SORCS1: variants seen among roughly 807,000 people sequenced by gnomAD.
SORCS1 encodes VPS10 domain-containing receptor SorCS1.
In SORCS1, 60 loss-of-function variants were observed where a neutral mutation model predicts 146.1. The ratio of observed to expected loss-of-function variants is 0.41; its 90% CI spans 0.33 to 0.51. SORCS1 has a LOEUF of 0.51. Ranked by LOEUF, SORCS1 falls within the 20% of genes least tolerant of loss-of-function variation. The pLI is 0.21. For synonymous variants in SORCS1, 637 were observed against 584.0 expected (o/e 1.09, Z -1.31); for missense variants, 1,352 against 1,487.6 (o/e 0.91, Z 1.50).
At chr10:106,986,816 G>A (rs1956497832) in intron 1 of SORCS1, among the ~76,000 whole-genome samples, 1 of 151,820 alleles carries the variant, frequency 6.6e-6, no homozygotes, top group African/African-American at 2.4e-5. Context: ...TTTTTATTTT[G>A]CTTTTTTCAT....
chr10:106,802,633 G>A (rs1483768263), intron 3 of SORCS1, among the ~76,000 whole-genome samples: 1 of 152,116 alleles, frequency 6.6e-6, no homozygotes, highest in Non-Finnish European at 1.5e-5. Flanking sequence ...CACGTAGCTG[G>A]GATTACAGGC....
intron 21 of SORCS1, among the ~76,000 whole-genome samples, chr10:106,613,692 TC>T (rs1467885394): frequency 6.6e-6 from 1 of 152,120 alleles, no homozygotes; most frequent in African/African-American, 2.4e-5. Context: ...ATCATATGGC[TC>T]CCCTAAAACC....
At chr10:106,797,214 T>A (rs1168998270) in intron 3 of SORCS1, among the ~76,000 whole-genome samples, 2 of 152,218 alleles carry the variant, frequency 1.3e-5, no homozygotes, top group Admixed American at 6.5e-5. Flanking sequence ...AGTAAGATTC[T>A]TTACTGGGAA....
chr10:107,083,638 G>A (rs539408228), intron 1 of SORCS1, among the ~76,000 whole-genome samples: 7 of 152,092 alleles, frequency 4.6e-5, no homozygotes, highest in Admixed American at 1.3e-4. Flanking sequence ...CTAAGAAATG[G>A]GGCACATTTT....
At chr10:106,750,126 C>T (rs13376813) in intron 5 of SORCS1, among the ~76,000 whole-genome samples, 31,112 of 152,082 alleles carry the variant, frequency 0.2, 3,792 homozygotes, top group East Asian at 0.48. Context: ...GTAAACTCCT[C>T]CTAATAAAAT....
intron 2 of SORCS1, among the ~76,000 whole-genome samples, chr10:106,856,073 C>G (rs1949776228): frequency 6.7e-6 from 1 of 149,414 alleles, no homozygotes; most frequent in South Asian, 2.1e-4. Flanking sequence ...GTCACCCATT[C>G]TGGAGTGCCG....
At chr10:106,746,488 T>G (rs990671407) in intron 5 of SORCS1, among the ~76,000 whole-genome samples, 2 of 152,258 alleles carry the variant, frequency 1.3e-5, no homozygotes, top group African/African-American at 2.4e-5. Flanking sequence ...TGGAATGGAC[T>G]GGTTATACTG....
At chr10:106,697,362 A>G (rs1406805807) in intron 9 of SORCS1, among the ~76,000 whole-genome samples, 2 of 152,002 alleles carry the variant, frequency 1.3e-5, no homozygotes, top group Non-Finnish European at 2.9e-5. Context: ...AGGCTGAGGA[A>G]GGAGAATAGC....
At chr10:106,794,076 C>T (rs1362463011) in intron 3 of SORCS1, among the ~76,000 whole-genome samples, 1 of 152,152 alleles carries the variant, frequency 6.6e-6, no homozygotes, top group African/African-American at 2.4e-5. Context: ...CCCCATAGTC[C>T]ACAGACTGAC....
intron 1 of SORCS1, among the ~76,000 whole-genome samples, chr10:107,121,686 A>G (rs1021976132): frequency 3.9e-5 from 6 of 152,200 alleles, no homozygotes; most frequent in African/African-American, 1.2e-4. Flanking sequence ...TTTAGAGACA[A>G]GATAAAACTG....
chr10:106,951,489 G>A (rs1954678530), intron 2 of SORCS1, among the ~76,000 whole-genome samples: 1 of 145,198 alleles, frequency 6.9e-6, no homozygotes, highest in South Asian at 2.4e-4. Context: ...TCCAGCCTGG[G>A]TGACAGAGCA....
chr10:106,948,485 C>T (rs1954484224), intron 2 of SORCS1, among the ~76,000 whole-genome samples: 1 of 151,714 alleles, frequency 6.6e-6, no homozygotes, highest in Non-Finnish European at 1.5e-5. Context: ...CCAGTCTGGG[C>T]AACAAGGTGA....
intron 1 of SORCS1, among the ~76,000 whole-genome samples, chr10:107,053,093 A>G (rs1960276266): frequency 6.6e-6 from 1 of 152,196 alleles, no homozygotes; most frequent in Admixed American, 6.5e-5. Context: ...TCAAAAGCCT[A>G]CAGTCCAAAA....
chr10:106,956,393 G>A, intron 2 of SORCS1, 120 bp downstream of exon 2: 1 of 816,226 alleles, frequency 1.2e-6, no homozygotes, highest in South Asian at 1.7e-5. Context: ...AGAAGAAAGA[G>A]AGAAAGCAAG....
At chr10:106,710,704 T>C (rs1183256962) in intron 6 of SORCS1, among the ~76,000 whole-genome samples, 1 of 152,148 alleles carries the variant, frequency 6.6e-6, no homozygotes, top group Non-Finnish European at 1.5e-5. Context: ...CCTCATTGTA[T>C]TGAGAATAAA....
intron 1 of SORCS1, among the ~76,000 whole-genome samples, chr10:107,074,989 A>G (rs1962758730): frequency 6.6e-6 from 1 of 152,210 alleles, no homozygotes; most frequent in African/African-American, 2.4e-5. Context: ...TTTGTTAGAC[A>G]GTAGATATTC....
chr10:106,809,369 G>A (rs988151974), intron 3 of SORCS1, among the ~76,000 whole-genome samples: 2 of 152,110 alleles, frequency 1.3e-5, no homozygotes, highest in Non-Finnish European at 2.9e-5. Flanking sequence ...ATGCTCTGCT[G>A]CCAGGCTGCC....
chr10:106,910,283 T>TTGTGTGTGTGTG (rs141789814), intron 2 of SORCS1, among the ~76,000 whole-genome samples: 231 of 146,122 alleles, frequency 1.6e-3, no homozygotes, highest in African/African-American at 4.8e-3. Flanking sequence ...TCTCTTTACA[T>TTGTGTGTGTGTG]TGTGTGTGTG....
intron 2 of SORCS1, among the ~76,000 whole-genome samples, chr10:106,910,356 G>A (rs1952093457): frequency 6.6e-6 from 1 of 151,514 alleles, no homozygotes; most frequent in Admixed American, 6.6e-5. Context: ...GCTCACAAGC[G>A]AGAGAGAGGG....
Sources: allele counts gnomAD v4.1 joint callset (sites outside exome capture counted in the v4.1 genomes callset), GRCh38; gene constraint gnomAD v4.1.1; transcripts MANE v1.5; gene names NCBI Gene and HGNC (gene_info 2026-07-23, HGNC 2026-07-21).